RSC1A1: variants seen among roughly 807,000 people sequenced by gnomAD.
RSC1A1 encodes the protein regulatory solute carrier protein family 1 member 1.
A neutral mutation model predicts 7.7 loss-of-function variants in RSC1A1; 6 were observed. The observed-to-expected ratio is 0.78, with a 90% CI of 0.43 to 1.53. The LOEUF is 1.53. RSC1A1 is among the 40% of genes most tolerant of loss of function. The probability of loss-of-function intolerance (pLI) is 0.01; values close to 1 mark genes in which losing one functional copy is unlikely to be tolerated. For synonymous variants in RSC1A1, 250 were observed against 263.0 expected (o/e 0.95, Z 0.48); for missense variants, 729 against 726.3 (o/e 1.00, Z -0.04).
rs533088478 is a variant in RSC1A1 at position 15,659,982 on chromosome 1, C to T, written c.114C>T (p.Cys38=). Reference sequence around the variant, plus strand: ...CTCGCTCTGTCTCTGCTTCAGTCTGCCCTATCAAGCCCAGTGACTCAGATC... The same window carrying T: ...CTCGCTCTGTCTCTGCTTCAGTCTGTCCTATCAAGCCCAGTGACTCAGATC... ...SLARSVSASV[C]PIKPSDSDRI... is the part of the protein sequence containing the mutation. Residue 38 remains cysteine (C), a synonymous_variant, in exon 1 of 1, where the codon TGC becomes TGT. Transcript: ENST00000345034. The T allele has an allele frequency of 1.1e-4, 184 of 1,614,174 alleles. 2 individuals carry two copies. In the South Asian group the frequency reaches 1.9e-3, roughly 17 times the overall value.
Position 15,661,672 on chromosome 1 carries a change from G to A in RSC1A1, c.1804G>A (p.Asp602Asn). Residue 602 changes from aspartate to asparagine, a missense_variant, in exon 1 of 1, where the codon GAC becomes AAC. Asp to Asn is a conservative substitution (Grantham distance 23). Transcript: ENST00000345034. ...GALHRVGGNA[D>N]LALLVLLAKN... The stretch of plus-strand genomic sequence containing the variant: ...TTTGCATCGAGTTGGTGGGAATGCA[G>A]ACCTTGCACTTCTTGTTTTGCTCGC... 1.2e-6 allele frequency: 2 copies of A among 1,613,752 alleles called. No individual in the cohort carries two copies. The highest frequency in any genetic ancestry group is 1.7e-6 in the Non-Finnish European group (2 of 1,179,770).
At position 15,660,291 on chromosome 1, in the gene RSC1A1, T is replaced by C. The variant is rs1252601528; in HGVS notation, c.423T>C (p.His141=). The stretch of plus-strand genomic sequence containing the variant: ...TATCTGTCACATCTACTAGGATGCA[T>C]GAACCACAGATGTTTCTAGGTGAAA... ...ASLSVTSTRM[H]EPQMFLGEKD... Residue 141 remains histidine, a synonymous_variant, in exon 1 of 1, where the codon CAT becomes CAC. Transcript: ENST00000345034. The C allele has an allele frequency of 1.2e-6, 2 of 1,614,182 alleles. No homozygotes were observed. Among genetic ancestry groups the C allele is most frequent in the South Asian group, 1.1e-5 (1 of 91,086 alleles).
rs200228515 is a variant in RSC1A1 at position 15,661,695 on chromosome 1, C to G, written c.1827C>G (p.Leu609=). The G allele has an allele frequency of 6.2e-7, 1 of 1,608,498 alleles. No individual in the cohort carries two copies. The change falls in exon 1 of 1, where the codon CTC becomes CTG. Residue 609 remains leucine (L), a synonymous_variant. Coordinates refer to ENST00000345034, the MANE Select transcript of RSC1A1 (RefSeq NM_006511.3). ...GNADLALLVL[L]AKNIVVPT ...CAGACCTTGCACTTCTTGTTTTGCT[C>G]GCAAAAAACATCGTAGTTCCTACAT...
Position 15,659,716 on chromosome 1 carries a change from A to G in RSC1A1, c.-153A>G. On this transcript the variant is annotated 5_prime_UTR_variant, in exon 1 of 1. Transcript: ENST00000345034. The stretch of plus-strand genomic sequence containing the variant: ...TTAAAATCATTTCTATTTGTGTAAG[A>G]GAAACCCGAGTTTGAGGACCTTATT... 9.9e-7 allele frequency: 1 copy of G among 1,010,056 alleles called. No homozygotes were observed. Among genetic ancestry groups the G allele is most frequent in the Non-Finnish European group, 1.4e-6 (1 of 732,088 alleles). The allele number at this position is 1,010,056 out of a possible 1,614,324, so 62.6% of individuals were successfully genotyped here.
Position 15,659,736 on chromosome 1 carries a change from C to A in RSC1A1, c.-133C>A. ...GTAAGAGAAACCCGAGTTTGAGGAC[C>A]TTATTTTATTCTACGCTGTTTAGAT... On this transcript the variant is annotated 5_prime_UTR_variant, in exon 1 of 1. Coordinates refer to ENST00000345034, the MANE Select transcript of RSC1A1 (RefSeq NM_006511.3). 2 of 1,255,436 alleles carry A rather than the reference C, an allele frequency of 1.6e-6. No individual in the cohort carries two copies. The highest frequency in any genetic ancestry group is 1.1e-6 in the Non-Finnish European group (1 of 949,424). The allele number at this position is 1,255,436 out of a possible 1,614,324, so 77.8% of individuals were successfully genotyped here. A position where few individuals can be genotyped will look rare whatever the true frequency, so the allele number is the denominator to read the frequency against.
In RSC1A1 at chr1:15,660,218, G is replaced by T; in HGVS notation, c.350G>T (p.Ser117Ile). Reference protein sequence around the residue: ...AGNLEKSAERSTQGLKFHLHT... With the variant: ...AGNLEKSAERITQGLKFHLHT... ...AATCTGGAGAAATCTGCTGAAAGAA[G>T]CACCCAGGGCCTCAAATTTCATCTC... The change falls in exon 1 of 1, where the codon AGC (serine) becomes ATC (isoleucine). Residue 117 changes from serine to isoleucine, a missense_variant. Coordinates refer to ENST00000345034, the MANE Select transcript of RSC1A1 (RefSeq NM_006511.3). The T allele has an allele frequency of 6.2e-7, 1 of 1,614,148 alleles. No homozygotes were observed. The highest frequency in any genetic ancestry group is 8.5e-7 in the Non-Finnish European group (1 of 1,180,032).
rs764807686 is a variant in RSC1A1, at chr1:15,661,022, T to C, written c.1154T>C (p.Ile385Thr). The change falls in exon 1 of 1, where the codon ATA (isoleucine) becomes ACA (threonine). Residue 385 changes from isoleucine (I) to threonine (T), a missense_variant. Physicochemically the swap from Ile to Thr is moderately conservative, Grantham distance 89. Transcript: ENST00000345034. ...SEEVICQSETIAEGQTSIKDL... is the reference protein window; with the variant it reads ...SEEVICQSETTAEGQTSIKDL... ...GAAGTAATCTGTCAATCAGAAACCA[T>C]AGCTGAGGGCCAAACCAGTATTAAA... The C allele has an allele frequency of 1.9e-6, 3 of 1,614,124 alleles. No homozygotes were observed. Among genetic ancestry groups the C allele is most frequent in the Non-Finnish European group, 2.5e-6 (3 of 1,180,008 alleles).
At chr1:15,659,923 CAG>C in the RSC1A1 span, 2 of 1,611,748 alleles carry the variant, frequency 1.2e-6, no homozygotes, top group Non-Finnish European at 1.7e-6. Flanking sequence ...TTCTTCAGGA[CAG>C]AGTCCTGATG....
rs118187152 is a variant in RSC1A1, at chr1:15,661,707, C to T, written c.1839C>T (p.Ile613=). The T allele has an allele frequency of 2.6e-5, 42 of 1,610,388 alleles. 1 individual carries two copies. In the East Asian group the frequency reaches 8.7e-4, roughly 33 times the overall value. Residue 613 remains isoleucine, a synonymous_variant, in exon 1 of 1, where the codon ATC becomes ATT. Transcript: ENST00000345034. ...LALLVLLAKN[I]VVPT ...TTCTTGTTTTGCTCGCAAAAAACAT[C>T]GTAGTTCCTACATGACTGTGGGAAA...
At position 15,659,824 on chromosome 1, in the gene RSC1A1, G is replaced by A; in HGVS notation, c.-45G>A. 6.6e-7 allele frequency: 1 copy of A among 1,505,354 alleles called. No homozygotes were observed. The highest frequency in any genetic ancestry group is 1.4e-5 in the African/African-American group (1 of 71,708). 93.2% of individuals were successfully genotyped at this position (1,505,354 alleles called of 1,614,324 possible). ...CTAATTAATCTTTTTCCTTTCCCCT[G>A]TGTTCCATATAGAGAAAAGTGGTAA... On this transcript the variant is annotated 5_prime_UTR_variant, in exon 1 of 1. In the 5' UTR this introduces an upstream ATG that the reference lacks. Transcript: ENST00000345034.
Position 15,660,553 on chromosome 1 carries a change from A to G in RSC1A1, c.685A>G (p.Ser229Gly). 7 of 1,613,298 alleles carry G rather than the reference A, an allele frequency of 4.3e-6. No homozygotes were observed. The highest frequency in any genetic ancestry group is 5.9e-6 in the Non-Finnish European group (7 of 1,179,776). The part of the protein sequence containing the change: ...NGLPQNVDPP[S>G]AKKSIPSSEC... ...GCTCCCACAGAATGTGGATCCTCCA[A>G]GTGCGAAGAAAAGTATTCCATCTTC... The change falls in exon 1 of 1, where the codon AGT becomes GGT. Residue 229 changes from serine (S) to glycine (G), a missense_variant. Physicochemically the swap from Ser to Gly is moderately conservative, Grantham distance 56. Transcript: ENST00000345034.
chr1:15,661,019 C>A lies in RSC1A1; in HGVS notation c.1151C>A (p.Thr384Asn), dbSNP rs1418458233. Residue 384 changes from threonine to asparagine, a missense_variant, in exon 1 of 1, where the codon ACC (threonine) becomes AAC (asparagine). Transcript: ENST00000345034. ...GAAGAAGTAATCTGTCAATCAGAAA[C>A]CATAGCTGAGGGCCAAACCAGTATT... ...TSEEVICQSE[T>N]IAEGQTSIKD... The A allele has an allele frequency of 6.2e-7, 1 of 1,614,060 alleles. No individual in the cohort carries two copies. Among genetic ancestry groups the A allele is most frequent in the East Asian group, 2.2e-5 (1 of 44,884 alleles).
chr1:15,660,910 T>G lies in RSC1A1; in HGVS notation c.1042T>G (p.Ser348Ala). The G allele has an allele frequency of 1.9e-6, 3 of 1,613,902 alleles. No homozygotes were observed. The highest frequency in any genetic ancestry group is 2.5e-6 in the Non-Finnish European group (3 of 1,179,962). The change falls in exon 1 of 1, where the codon TCT becomes GCT. Residue 348 changes from serine to alanine, a missense_variant. Transcript: ENST00000345034. ...CQPSVESAEE[S>A]CPSITAALKE... ...GCCTTCTGTGGAGTCAGCAGAAGAA[T>G]CTTGCCCGTCTATAACGGCAGCCTT...
chr1:15,660,700 T>C lies in RSC1A1; in HGVS notation c.832T>C (p.Leu278=). The C allele has an allele frequency of 1.2e-6, 2 of 1,614,168 alleles. No individual in the cohort carries two copies. The highest frequency in any genetic ancestry group is 1.7e-6 in the Non-Finnish European group (2 of 1,180,030). ...TGCCAATGTCAAGAACATTGGTGCA[T>C]TGGATCTCACTTTAGATAATCCCTT... ...QNANVKNIGA[L]DLTLDNPLME... Residue 278 remains leucine (L), a synonymous_variant, in exon 1 of 1, where the codon TTG becomes CTG. Coordinates refer to ENST00000345034, the MANE Select transcript of RSC1A1 (RefSeq NM_006511.3).
At position 15,659,717 on chromosome 1, in the gene RSC1A1, G is replaced by A; in HGVS notation, c.-152G>A. ...TAAAATCATTTCTATTTGTGTAAGA[G>A]AAACCCGAGTTTGAGGACCTTATTT... On this transcript the variant is annotated 5_prime_UTR_variant, in exon 1 of 1. Coordinates refer to ENST00000345034, the MANE Select transcript of RSC1A1 (RefSeq NM_006511.3). 1 of 1,025,454 alleles carries A rather than the reference G, an allele frequency of 9.8e-7. No individual in the cohort carries two copies. Among genetic ancestry groups the A allele is most frequent in the Non-Finnish European group, 1.3e-6 (1 of 746,272 alleles). The allele number at this position is 1,025,454 out of a possible 1,614,324, so 63.5% of individuals were successfully genotyped here.
Position 15,661,721 on chromosome 1 carries a change from G to T in RSC1A1, c.1853G>T (p.Ter618LeuextTer35). ...LLAKNIVVPT[*>L] ...GCAAAAAACATCGTAGTTCCTACATGACTGTGGGAAAGTGGGCTAGACCGT... is the reference window on the plus strand; with the variant it reads ...GCAAAAAACATCGTAGTTCCTACATTACTGTGGGAAAGTGGGCTAGACCGT... Residue 618 changes from the stop codon to leucine (L), a stop_lost, in exon 1 of 1, where the codon TGA becomes TTA. Transcript: ENST00000345034. 1 of 1,604,646 alleles carries T rather than the reference G, an allele frequency of 6.2e-7. No homozygotes were observed. Among genetic ancestry groups the T allele is most frequent in the South Asian group, 1.1e-5 (1 of 89,790 alleles).
chr1:15,660,067 GA>G, the RSC1A1 span: 1 of 1,613,876 alleles, frequency 6.2e-7, no homozygotes, highest in Non-Finnish European at 8.5e-7. Flanking sequence ...GCTAAACTCT[GA>G]AAAGAAAGAA....
the RSC1A1 span, chr1:15,660,801 GC>G: frequency 6.2e-7 from 1 of 1,614,014 alleles, no homozygotes; most frequent in Non-Finnish European, 8.5e-7. Flanking sequence ...AGGATTTACA[GC>G]CCCCAGAAAC....
In RSC1A1 at chr1:15,661,285, G is replaced by A; in HGVS notation, c.1417G>A (p.Val473Ile). The A allele has an allele frequency of 6.2e-7, 1 of 1,614,132 alleles. No individual in the cohort carries two copies. ...GGAATCCATAAATAAGAACCGTTCT[G>A]TCACTGTAACCTCAGCTAAAACATC... is the stretch of plus-strand genomic sequence containing the variant. ...SRESINKNRS[V>I]TVTSAKTSNQ... The change falls in exon 1 of 1, where the codon GTC becomes ATC. Residue 473 changes from valine to isoleucine, a missense_variant. By Grantham distance (29) the Val-to-Ile change is conservative. Coordinates refer to ENST00000345034, the MANE Select transcript of RSC1A1 (RefSeq NM_006511.3).
Sources: gnomAD v4.1 joint callset for allele counts on GRCh38, gnomAD v4.1.1 for gene constraint, MANE v1.5 for transcripts, NCBI Gene and HGNC (gene_info 2026-07-23, HGNC 2026-07-21) for gene names.